Variants in USP34 observed in about 807,000 individuals in gnomAD.
The protein encoded by USP34 is ubiquitin carboxyl-terminal hydrolase 34.
Under a neutral mutation model 460.3 loss-of-function variants are expected in USP34, and 70 were observed. That is an observed-to-expected ratio of 0.15 (90% CI 0.13 to 0.19). The LOEUF (loss-of-function observed/expected upper bound fraction) is 0.19, where lower values mean the gene tolerates loss of function less well. Ranked by LOEUF, USP34 falls within the 10% of genes least tolerant of loss-of-function variation. The pLI, the probability that USP34 is intolerant of heterozygous loss-of-function variation, is 1.00. For missense variants in USP34, 3,985 were observed against 4,236.2 expected, an observed-to-expected ratio of 0.94 and a Z score of 1.65; for synonymous variants, 1,647 against 1,405.3, an observed-to-expected ratio of 1.17 and a Z score of -3.85.
chr2:61,391,217 G>C (rs1255169843), intron 5 of USP34, among the ~76,000 whole-genome samples: 6 of 152,230 alleles, frequency 3.9e-5, no homozygotes, highest in South Asian at 4.1e-4. Flanking sequence ...AGGCCAAGGC[G>C]GGCGGATCAT....
intron 53 of USP34, among the ~76,000 whole-genome samples, chr2:61,240,464 G>A (rs564231467): frequency 6.6e-6 from 1 of 152,166 alleles, no homozygotes; most frequent in African/African-American, 2.4e-5. Context: ...ATTTTTAGTA[G>A]AGATGGGGTT....
chr2:61,208,853 A>T (rs1306771395), intron 70 of USP34, 46 bp downstream of exon 70: 5 of 1,413,936 alleles, frequency 3.5e-6, no homozygotes, highest in Non-Finnish European at 4.8e-6. Context: ...TGGTGAGAAC[A>T]TTAAAATGAG....
At chr2:61,248,482 C>T (rs1688483463) in intron 49 of USP34, 29 bp downstream of exon 49, 1 of 1,520,160 alleles carries the variant, frequency 6.6e-7, no homozygotes, top group African/African-American at 1.4e-5. Context: ...ACAATAATCA[C>T]AGACAAGAGA....
chr2:61,388,165 C>T (rs950178839), intron 5 of USP34, among the ~76,000 whole-genome samples: 2 of 151,772 alleles, frequency 1.3e-5, no homozygotes, highest in Non-Finnish European at 2.9e-5. Flanking sequence ...ATCGCCTGAG[C>T]CCAGGAAGTG....
intron 48 of USP34, chr2:61,250,581 GA>G (rs1688549057): frequency 6.3e-6 from 1 of 158,602 alleles, no homozygotes; most frequent in African/African-American, 2.4e-5. Flanking sequence ...ACTGGATTGG[GA>G]ATGTCTATTA....
intron 21 of USP34, among the ~76,000 whole-genome samples, chr2:61,321,426 T>TG (rs1690918791): frequency 1.3e-5 from 2 of 152,120 alleles, no homozygotes; most frequent in Admixed American, 6.5e-5. Flanking sequence ...AGCCAAGATT[T>TG]GCGCCACTGC....
At position 61,317,697 on chromosome 2, in the gene USP34, G is replaced by C; in HGVS notation, c.3239C>G (p.Ala1080Gly). ...ATCATAGGCACTGGTAGCCAATCGA[G>C]CCAAGTTACAGAGATGCTGAAACAG... is the stretch of plus-strand genomic sequence containing the variant. ...LNLFQHLCNL[A>G]RLATSAYDGC... Residue 1080 changes from alanine to glycine, a missense_variant, in exon 23 of 80, where the codon GCT becomes GGT. Ala to Gly is a moderately conservative substitution (Grantham distance 60). This residue lies in a region of USP34 where 1,114 missense variants were observed against 1,122.5 expected (regional missense o/e 0.99). Transcript: ENST00000398571. The C allele has an allele frequency of 6.2e-7, 1 of 1,614,094 alleles. No individual in the cohort carries two copies. The highest frequency in any genetic ancestry group is 8.5e-7 in the Non-Finnish European group (1 of 1,180,006).
rs70963432 is a variant in USP34 at position 61,451,220 on chromosome 2, CAAAAAAAAA to C, written c.43+19421_43+19429del. 2.4e-4 allele frequency among the ~76,000 whole-genome samples: 12 copies of C among 50,774 alleles called. 1 individual carries two copies. The highest frequency in any genetic ancestry group is 0.014 in the Middle Eastern group (1 of 72). The allele number at this position is 50,774 out of a possible 152,430, so 33.3% of individuals were successfully genotyped here. A position where few individuals can be genotyped will look rare whatever the true frequency, so the allele number is the denominator to read the frequency against. ...CAGGTGACAGTGTGAGGCTTCATCT[CAAAAAAAAA>C]AAAAAAAAAAAAAAAAGAAATGAAT... On this transcript the variant is annotated intron_variant, in intron 1 of 79. Transcript: ENST00000398571.
At chr2:61,437,373 A>G (rs1333490728) in intron 1 of USP34, among the ~76,000 whole-genome samples, 3 of 152,230 alleles carry the variant, frequency 2.0e-5, no homozygotes, top group African/African-American at 7.2e-5. Flanking sequence ...AGAAGTACAA[A>G]GGATCATTAG....
At chr2:61,378,912 C>CAAAAAAAAAAAA (rs1491197501) in intron 7 of USP34, among the ~76,000 whole-genome samples, 13 of 8,620 alleles carry the variant, frequency 1.5e-3, no homozygotes, top group Non-Finnish European at 2.1e-3. Flanking sequence ...CTCAAAAAAA[C>CAAAAAAAAAAAA]GAAAAAAAAA....
chr2:61,267,899 C>T (rs896729789), intron 41 of USP34, among the ~76,000 whole-genome samples: 3 of 151,664 alleles, frequency 2.0e-5, no homozygotes, highest in Non-Finnish European at 4.4e-5. Flanking sequence ...GGATTACAGG[C>T]GTGAGCCACC....
At position 61,412,214 on chromosome 2, in the gene USP34, G is replaced by A. The variant is rs569985921; in HGVS notation, c.132-6086C>T. Among the ~76,000 whole-genome samples the A allele has an allele frequency of 3.2e-3, 456 of 142,334 alleles. 1 individual carries two copies. Among genetic ancestry groups the A allele is most frequent in the Admixed American group, 6.6e-3 (95 of 14,312 alleles). 93.4% of individuals were successfully genotyped at this position (142,334 alleles called of 152,430 possible). ...CAAAAAAAAAAAAAAAAAAGAAAAGGAAGAAAAGAAAGAAACAGAAAGAAA... is the reference window on the plus strand; with the variant it reads ...CAAAAAAAAAAAAAAAAAAGAAAAGAAAGAAAAGAAAGAAACAGAAAGAAA... On this transcript the variant is annotated intron_variant, in intron 2 of 79. Coordinates refer to ENST00000398571, the MANE Select transcript of USP34 (RefSeq NM_014709.4).
intron 51 of USP34, among the ~76,000 whole-genome samples, chr2:61,242,493 AC>A (rs1688296278): frequency 1.3e-5 from 2 of 149,590 alleles, no homozygotes; most frequent in Non-Finnish European, 2.9e-5. Context: ...ACACACACAC[AC>A]ACACACACGA....
Position 61,442,263 on chromosome 2 carries a change from A to C in USP34, c.44-21430T>G, listed in dbSNP as rs557778787. Among the ~76,000 whole-genome samples, 10 of 152,318 alleles carry C rather than the reference A, an allele frequency of 6.6e-5. No individual in the cohort carries two copies. The East Asian group carries it at 1.9e-3, about 29-fold the overall frequency. On this transcript the variant is annotated intron_variant, in intron 1 of 79. Transcript: ENST00000398571. ...AACAAACAACAAATGGAATTATGTC[A>C]AACTACAAAACTTCTGTATAGCAAA...
At chr2:61,345,752 A>G (rs919347347) in intron 15 of USP34, among the ~76,000 whole-genome samples, 10 of 152,198 alleles carry the variant, frequency 6.6e-5, no homozygotes, top group African/African-American at 2.4e-4. Flanking sequence ...CTTCCACCTC[A>G]GCCTCCCAAT....
At chr2:61,230,601 G>A (rs1307148095) in intron 58 of USP34, among the ~76,000 whole-genome samples, 1 of 152,132 alleles carries the variant, frequency 6.6e-6, no homozygotes, top group Non-Finnish European at 1.5e-5. Flanking sequence ...ACAGCACACT[G>A]GGAGGCCAAG....
rs577138145 is a variant in USP34, at chr2:61,367,584, T to C, written c.1251+2737A>G. Among the ~76,000 whole-genome samples, 26 of 152,258 alleles carry C rather than the reference T, an allele frequency of 1.7e-4. No individual in the cohort carries two copies. The East Asian group carries it at 3.5e-3, about 20-fold the overall frequency. ...GTGAAGGCTCAAGGCACACAATCAT[T>C]AGTAATGAAAAATATTTTAATTTTA... On this transcript the variant is annotated intron_variant, in intron 10 of 79. Coordinates refer to ENST00000398571, the MANE Select transcript of USP34 (RefSeq NM_014709.4).
chr2:61,376,757 C>T (rs924651907), intron 8 of USP34, among the ~76,000 whole-genome samples: 1 of 152,060 alleles, frequency 6.6e-6, no homozygotes, highest in Admixed American at 6.5e-5. Context: ...AAGTGATTCT[C>T]GTGCCTCAGC....
intron 1 of USP34, among the ~76,000 whole-genome samples, chr2:61,453,352 T>C (rs948282263): frequency 6.6e-6 from 1 of 151,866 alleles, no homozygotes; most frequent in African/African-American, 2.4e-5. Context: ...AAGTAGCGTT[T>C]GCAGTGAGCC....
Sources: gnomAD v4.1 joint callset for allele counts (sites outside exome capture counted in the v4.1 genomes callset) on GRCh38, gnomAD v4.1.1 for gene constraint, gnomAD v4.1.1 regional missense constraint, MANE v1.5 for transcripts, NCBI Gene and HGNC (gene_info 2026-07-23, HGNC 2026-07-21) for gene names.